Variants in EPB41L4A observed in about 807,000 individuals in gnomAD.
EPB41L4A encodes band 4.1-like protein 4A.
Under a neutral mutation model 108.6 loss-of-function variants are expected in EPB41L4A, and 100 were observed. The observed-to-expected ratio is 0.92, with a 90% CI of 0.78 to 1.09. EPB41L4A has a LOEUF of 1.09. Ranked by LOEUF, EPB41L4A falls within the 50% of genes least tolerant of loss-of-function variation. EPB41L4A has a pLI of 0.00. For synonymous variants in EPB41L4A, 319 were observed against 289.0 expected (o/e 1.10, Z -1.05); for missense variants, 1,030 against 842.7 (o/e 1.22, Z -2.75).
chr5:112,414,590 T>C (rs1301509395), intron 1 of EPB41L4A, among the ~76,000 whole-genome samples: 29 of 152,250 alleles, frequency 1.9e-4, no homozygotes, highest in Non-Finnish European at 5.9e-5. Context: ...ACACACACAG[T>C]AACTGGACTG....
intron 12 of EPB41L4A, among the ~76,000 whole-genome samples, chr5:112,213,682 A>T (rs1747410425): frequency 6.6e-6 from 1 of 152,040 alleles, no homozygotes; most frequent in Non-Finnish European, 1.5e-5. Context: ...ATATGAACTA[A>T]ATATCTCTTC....
intron 12 of EPB41L4A, among the ~76,000 whole-genome samples, chr5:112,216,107 T>A (rs1022155692): frequency 6.6e-6 from 1 of 152,192 alleles, no homozygotes; most frequent in Non-Finnish European, 1.5e-5. Context: ...TTTGAGTACC[T>A]CCATCTTAAG....
chr5:112,150,367 A>G (rs998315029), intron 12 of EPB41L4A, among the ~76,000 whole-genome samples: 6 of 152,216 alleles, frequency 3.9e-5, no homozygotes, highest in African/African-American at 1.4e-4. Flanking sequence ...GTATCAGAGT[A>G]TTGAATAGTG....
intron 18 of EPB41L4A, among the ~76,000 whole-genome samples, chr5:112,177,100 AT>A (rs1057404329): frequency 4.0e-5 from 6 of 151,402 alleles, no homozygotes; most frequent in East Asian, 1.9e-4. Flanking sequence ...TATATATATA[AT>A]TTTTTTTTCT....
At position 112,168,825 on chromosome 5, in the gene EPB41L4A, A is replaced by C. The variant is rs376941185; in HGVS notation, c.1851-5T>G. 3 of 1,612,512 alleles carry C rather than the reference A, an allele frequency of 1.9e-6. No homozygotes were observed. The highest frequency in any genetic ancestry group is 2.5e-6 in the Non-Finnish European group (3 of 1,178,516). ...GGTACAAGATCTGTTTTTGAACTGC[A>C]GAGAATGAGTTTTAGAATTAGTGAC... On this transcript the variant is annotated splice_region_variant and splice_polypyrimidine_tract_variant and intron_variant, in intron 21 of 22. Transcript: ENST00000261486.
At chr5:112,334,898 G>C (rs1756820372) in intron 1 of EPB41L4A, among the ~76,000 whole-genome samples, 1 of 152,120 alleles carries the variant, frequency 6.6e-6, no homozygotes, top group East Asian at 1.9e-4. Flanking sequence ...CTGATATAAG[G>C]GGTCTGGGTA....
At chr5:112,366,036 T>C (rs1281243593) in intron 1 of EPB41L4A, among the ~76,000 whole-genome samples, 2 of 152,116 alleles carry the variant, frequency 1.3e-5, no homozygotes. Flanking sequence ...ACAGAGACTC[T>C]ACGCAATAGA....
At chr5:112,272,686 C>T (rs751124018) in intron 4 of EPB41L4A, among the ~76,000 whole-genome samples, 4 of 142,648 alleles carry the variant, frequency 2.8e-5, no homozygotes, top group Non-Finnish European at 6.0e-5. Context: ...GAGGCTAAGG[C>T]AGGAGAATCA....
At chr5:112,377,075 C>T (rs1309351441) in intron 1 of EPB41L4A, among the ~76,000 whole-genome samples, 1 of 152,002 alleles carries the variant, frequency 6.6e-6, no homozygotes, top group Non-Finnish European at 1.5e-5. Flanking sequence ...CACTGTGTCA[C>T]ACACCTGTGG....
Position 112,168,998 on chromosome 5 carries a change from ACTT to A in EPB41L4A, c.1844_1846del (p.Glu615del). The A allele has an allele frequency of 1.9e-6, 3 of 1,611,602 alleles. No homozygotes were observed. The highest frequency in any genetic ancestry group is 8.5e-7 in the Non-Finnish European group (1 of 1,177,708). On this transcript the variant is annotated inframe_deletion, in exon 21 of 23. Coordinates refer to ENST00000261486, the MANE Select transcript of EPB41L4A (RefSeq NM_022140.5). ...GTACTCTGGCCTGCCCACTTACTTC[ACTT>A]CCGAGAGAACTGATCGCTCCCCATC...
intron 17 of EPB41L4A, among the ~76,000 whole-genome samples, chr5:112,192,402 T>C (rs1323572253): frequency 6.6e-6 from 1 of 152,230 alleles, no homozygotes; most frequent in Admixed American, 6.5e-5. Context: ...TCTACAGCCA[T>C]AGGCAACTTA....
chr5:112,202,201 AG>A (rs1286126180), intron 15 of EPB41L4A, among the ~76,000 whole-genome samples: 20 of 152,290 alleles, frequency 1.3e-4, no homozygotes, highest in Admixed American at 5.9e-4. Context: ...TGGTATCTCC[AG>A]CAGTGTCAGC....
At chr5:112,170,488 C>G in intron 19 of EPB41L4A, 119 bp from the exon 20 acceptor site, 1 of 669,116 alleles carries the variant, frequency 1.5e-6, no homozygotes, top group Non-Finnish European at 2.5e-6. Context: ...GTTAGTAAAA[C>G]TAATGAAAAT....
intron 2 of EPB41L4A, among the ~76,000 whole-genome samples, chr5:112,306,233 A>G (rs886862347): frequency 2.0e-5 from 3 of 152,142 alleles, no homozygotes; most frequent in Non-Finnish European, 4.4e-5. Flanking sequence ...ATCTTTCTGT[A>G]TAGATTTACA....
At chr5:112,176,808 G>A (rs1760892331) in intron 18 of EPB41L4A, among the ~76,000 whole-genome samples, 1 of 122,136 alleles carries the variant, frequency 8.2e-6, no homozygotes, top group South Asian at 2.8e-4. Flanking sequence ...AGGCTGAAGT[G>A]CAATGGCGCC....
chr5:112,184,195 A>G, intron 17 of EPB41L4A, 60 bp from the exon 18 acceptor site: 1 of 1,573,684 alleles, frequency 6.4e-7, no homozygotes, highest in East Asian at 2.3e-5. Flanking sequence ...TTTTAGGTTC[A>G]TCCTAAACTT....
At chr5:112,171,107 C>T (rs1320022923) in intron 18 of EPB41L4A, 115 bp from the exon 19 acceptor site, 4 of 879,168 alleles carry the variant, frequency 4.5e-6, no homozygotes, top group African/African-American at 1.7e-5. Flanking sequence ...TGAGAACAGA[C>T]AAGGAAAGAC....
At chr5:112,304,789 T>C (rs558761097) in intron 2 of EPB41L4A, among the ~76,000 whole-genome samples, 2 of 152,340 alleles carry the variant, frequency 1.3e-5, no homozygotes, top group African/African-American at 2.4e-5. Flanking sequence ...TTTAGTCCTA[T>C]ATCAATCCTG....
chr5:112,368,516 G>A (rs986936444), intron 1 of EPB41L4A, among the ~76,000 whole-genome samples: 1 of 151,948 alleles, frequency 6.6e-6, no homozygotes, highest in Non-Finnish European at 1.5e-5. Flanking sequence ...ACCACCCACT[G>A]CTTCCCTCCT....
Sources: gnomAD v4.1 joint callset for allele counts (sites outside exome capture counted in the v4.1 genomes callset) on GRCh38, gnomAD v4.1.1 for gene constraint, MANE v1.5 for transcripts, NCBI Gene and HGNC (gene_info 2026-07-23, HGNC 2026-07-21) for gene names.